The following KCNN2 variants were observed in gnomAD, a reference collection of about 807,000 sequenced individuals.
KCNN2 encodes small conductance calcium-activated potassium channel protein 2.
In KCNN2, 24 loss-of-function variants were observed where a neutral mutation model predicts 55.5. The observed-to-expected ratio is 0.43, with a 90% CI of 0.31 to 0.61. The LOEUF is 0.61. Among genes scored for constraint, KCNN2 ranks in the 20% least tolerant of loss-of-function variants. The pLI is 0.08. For missense variants in KCNN2, 754 were observed against 853.6 expected (o/e 0.88, Z 1.45); for synonymous variants, 431 against 336.1 (o/e 1.28, Z -3.09).
At chr5:114,196,269 G>A (rs144161950) in intron 1 of KCNN2, among the ~76,000 whole-genome samples, 4,539 of 151,790 alleles carry the variant, frequency 0.03, 232 homozygotes, top group African/African-American at 0.1. Flanking sequence ...GATTCACTTT[G>A]TTAGTATTTT....
intron 2 of KCNN2, 51 bp downstream of exon 2, chr5:114,364,052 T>A (rs938992949): frequency 7.2e-7 from 1 of 1,383,296 alleles, no homozygotes; most frequent in Non-Finnish European, 1.0e-6. Context: ...ACAGTCAGCC[T>A]AGAGAAACGC....
chr5:114,416,757 AAAT>A lies in KCNN2; in HGVS notation c.1637+11904_1637+11906del, dbSNP rs1460676641. Among the ~76,000 whole-genome samples, 7 of 152,350 alleles carry A rather than the reference AAAT, an allele frequency of 4.6e-5. No individual in the cohort carries two copies. In the East Asian group the frequency reaches 7.7e-4, roughly 17 times the overall value. On this transcript the variant is annotated intron_variant, in intron 3 of 7. Transcript: ENST00000673685. The stretch of plus-strand genomic sequence containing the variant: ...TATTCTAACAGAAGATATAATTTAA[AAAT>A]AAGATTTTACGGACTTTTGTATTTA...
At chr5:114,190,668 A>G (rs1753430553) in intron 1 of KCNN2, among the ~76,000 whole-genome samples, 1 of 152,158 alleles carries the variant, frequency 6.6e-6, no homozygotes, top group Non-Finnish European at 1.5e-5. Flanking sequence ...TTTCTAAATG[A>G]GACTAAACAT....
chr5:114,414,344 A>G (rs1294855021), intron 3 of KCNN2, among the ~76,000 whole-genome samples: 1 of 152,194 alleles, frequency 6.6e-6, no homozygotes, highest in East Asian at 1.9e-4. Context: ...GGAATGAGGT[A>G]GATTTTAGTA....
At chr5:114,162,841 T>A (rs958499518) in intron 1 of KCNN2, among the ~76,000 whole-genome samples, 1 of 152,060 alleles carries the variant, frequency 6.6e-6, no homozygotes, top group Non-Finnish European at 1.5e-5. Context: ...GTTTGTTAAG[T>A]CGGTTGGAAA....
intron 1 of KCNN2, among the ~76,000 whole-genome samples, chr5:114,079,272 A>G (rs1237925106): frequency 6.6e-6 from 1 of 152,246 alleles, no homozygotes; most frequent in Non-Finnish European, 1.5e-5. Flanking sequence ...TATTCTAATA[A>G]AAACTTTGAA....
intron 1 of KCNN2, among the ~76,000 whole-genome samples, chr5:114,145,435 A>G (rs549738486): frequency 2.0e-5 from 3 of 152,316 alleles, no homozygotes; most frequent in African/African-American, 7.2e-5. Context: ...TCAGCGAGCA[A>G]TTCCTATTTT....
intron 1 of KCNN2, among the ~76,000 whole-genome samples, chr5:114,092,283 G>A (rs527706338): frequency 2.0e-5 from 3 of 152,178 alleles, no homozygotes; most frequent in Non-Finnish European, 1.5e-5. Flanking sequence ...GTTCCAAAAT[G>A]ATGTCCTTTG....
intron 2 of KCNN2, among the ~76,000 whole-genome samples, chr5:114,259,075 G>C (rs1755045794): frequency 6.6e-6 from 1 of 152,184 alleles, no homozygotes; most frequent in Non-Finnish European, 1.5e-5. Flanking sequence ...CTTGGCTTCT[G>C]TGATAGAACT....
At chr5:114,223,645 G>C (rs575286703) in intron 2 of KCNN2, among the ~76,000 whole-genome samples, 8 of 152,184 alleles carry the variant, frequency 5.3e-5, no homozygotes, top group African/African-American at 1.9e-4. Context: ...TGTCAGCCAG[G>C]AATTGACAAC....
At chr5:114,138,408 A>G (rs1752212842) in intron 1 of KCNN2, among the ~76,000 whole-genome samples, 1 of 152,166 alleles carries the variant, frequency 6.6e-6, no homozygotes, top group Non-Finnish European at 1.5e-5. Context: ...TTTTGAATTA[A>G]TTAATGAGTT....
At chr5:114,457,124 A>G (rs1230320683) in intron 3 of KCNN2, among the ~76,000 whole-genome samples, 2 of 152,178 alleles carry the variant, frequency 1.3e-5, no homozygotes, top group Non-Finnish European at 2.9e-5. Context: ...TCTTTCCTGA[A>G]AGAAAGAGTC....
At chr5:114,492,838 A>C (rs1747925962) in intron 6 of KCNN2, among the ~76,000 whole-genome samples, 1 of 152,156 alleles carries the variant, frequency 6.6e-6, no homozygotes, top group Non-Finnish European at 1.5e-5. Context: ...ATGAAGAATA[A>C]GATAATAATT....
intron 2 of KCNN2, among the ~76,000 whole-genome samples, chr5:114,390,816 C>A (rs1335134891): frequency 6.6e-6 from 1 of 152,100 alleles, no homozygotes; most frequent in Non-Finnish European, 1.5e-5. Flanking sequence ...AGGCAACTTG[C>A]ATAAATTCCA....
At chr5:114,253,259 T>G (rs536597793) in intron 2 of KCNN2, among the ~76,000 whole-genome samples, 4 of 151,606 alleles carry the variant, frequency 2.6e-5, no homozygotes, top group Non-Finnish European at 5.9e-5. Flanking sequence ...AGAACTAGAA[T>G]TAATAATCTG....
At chr5:114,368,107 C>T (rs1757658409) in intron 2 of KCNN2, among the ~76,000 whole-genome samples, 2 of 151,928 alleles carry the variant, frequency 1.3e-5, no homozygotes, top group Non-Finnish European at 2.9e-5. Context: ...TCTGCATCAG[C>T]AAAAATACAG....
At chr5:114,479,862 T>A (rs1762145712) in intron 5 of KCNN2, among the ~76,000 whole-genome samples, 1 of 152,132 alleles carries the variant, frequency 6.6e-6, no homozygotes, top group Non-Finnish European at 1.5e-5. Context: ...TAGCAGAATC[T>A]CTGGGATGCA....
chr5:114,394,572 TTCTC>T (rs1320199347), intron 2 of KCNN2, among the ~76,000 whole-genome samples: 2 of 152,248 alleles, frequency 1.3e-5, no homozygotes, highest in African/African-American at 4.8e-5. Flanking sequence ...AGGCCTTCCT[TTCTC>T]CAAGGTTATG....
At chr5:114,332,563 A>G (rs1756844562) in intron 2 of KCNN2, among the ~76,000 whole-genome samples, 2 of 152,154 alleles carry the variant, frequency 1.3e-5, no homozygotes, top group Admixed American at 1.3e-4. Flanking sequence ...TTGATATTTA[A>G]CCAAATCTGA....
Sources: gnomAD v4.1 joint callset for allele counts (sites outside exome capture counted in the v4.1 genomes callset) on GRCh38, gnomAD v4.1.1 for gene constraint, MANE v1.5 for transcripts, NCBI Gene and HGNC (gene_info 2026-07-23, HGNC 2026-07-21) for gene names.